The following SDHB variants were observed in gnomAD, a reference collection of about 807,000 sequenced individuals.
SDHB encodes succinate dehydrogenase [ubiquinone] iron-sulfur subunit, mitochondrial.
Under a neutral mutation model 39.7 loss-of-function variants are expected in SDHB, and 21 were observed. The ratio of observed to expected loss-of-function variants is 0.53; its 90% confidence interval spans 0.37 to 0.76. The LOEUF (loss-of-function observed/expected upper bound fraction) is 0.76, where lower values mean the gene tolerates loss of function less well. Among genes scored for constraint, SDHB ranks in the 30% least tolerant of loss-of-function variants. SDHB has a pLI of 0.00. For missense variants in SDHB, 343 were observed against 350.9 expected, an observed-to-expected ratio of 0.98 and a Z score of 0.18; for synonymous variants, 118 against 117.0, an observed-to-expected ratio of 1.01 and a Z score of -0.06.
Position 17,028,745 on chromosome 1 carries a change from G to A in SDHB, c.287-9C>T. ...ACAAGAGCCACAGATGCCTGAAAGA[G>A]ACACACATTTAACACATCCTCACCC... On this transcript the variant is annotated splice_polypyrimidine_tract_variant and intron_variant, in intron 3 of 7. Transcript: ENST00000375499. 6.2e-7 allele frequency: 1 copy of A among 1,613,630 alleles called. No homozygotes were observed. The highest frequency in any genetic ancestry group is 8.5e-7 in the Non-Finnish European group (1 of 1,180,022).
At chr1:17,038,572 G>A (rs1034521380) in intron 2 of SDHB, among the ~76,000 whole-genome samples, 1 of 152,128 alleles carries the variant, frequency 6.6e-6, no homozygotes, top group Non-Finnish European at 1.5e-5. Flanking sequence ...TGCCTTTCAT[G>A]GACTGGCTAG....
intron 3 of SDHB, among the ~76,000 whole-genome samples, chr1:17,029,292 G>A (rs2078010182): frequency 1.3e-5 from 2 of 151,650 alleles, no homozygotes; most frequent in African/African-American, 2.4e-5. Flanking sequence ...ATTTTTTGTA[G>A]AGACGAGACT....
chr1:17,035,450 C>T (rs2078045718), intron 2 of SDHB, among the ~76,000 whole-genome samples: 1 of 152,126 alleles, frequency 6.6e-6, no homozygotes, highest in South Asian at 2.1e-4. Flanking sequence ...TGTTTTGTTG[C>T]TACATTTTTA....
chr1:17,031,530 A>T (rs1039981114), intron 3 of SDHB, among the ~76,000 whole-genome samples: 3 of 152,186 alleles, frequency 2.0e-5, no homozygotes, highest in African/African-American at 7.2e-5. Flanking sequence ...CCAGGACTTA[A>T]TGGGGAAGGC....
intron 2 of SDHB, among the ~76,000 whole-genome samples, chr1:17,038,257 ACTT>A (rs1177335495): frequency 1.1e-4 from 17 of 152,158 alleles, no homozygotes; most frequent in Admixed American, 6.5e-4. Context: ...AGACAGTTTT[ACTT>A]CTTCTTTTCC....
chr1:17,042,846 C>T (rs541550970), intron 2 of SDHB, among the ~76,000 whole-genome samples: 2 of 151,438 alleles, frequency 1.3e-5, no homozygotes, highest in Middle Eastern at 3.4e-3. Flanking sequence ...TGATTTGCAA[C>T]GTCTTTATTT....
At chr1:17,036,707 T>C (rs1292615681) in intron 2 of SDHB, among the ~76,000 whole-genome samples, 2 of 145,652 alleles carry the variant, frequency 1.4e-5, no homozygotes, top group Admixed American at 6.9e-5. Flanking sequence ...TAAATATGAA[T>C]ATATAAATAT....
intron 2 of SDHB, among the ~76,000 whole-genome samples, chr1:17,043,222 A>G (rs1354147092): frequency 6.6e-6 from 1 of 151,958 alleles, no homozygotes; most frequent in Non-Finnish European, 1.5e-5. Context: ...CGGCTTCCCA[A>G]AGTGCTGGGA....
intron 1 of SDHB, 104 bp from the exon 2 acceptor site, chr1:17,044,992 T>C: frequency 2.0e-6 from 2 of 1,011,562 alleles, no homozygotes; most frequent in South Asian, 2.7e-5. Flanking sequence ...AACTCACACA[T>C]TACTGACACA....
intron 1 of SDHB, among the ~76,000 whole-genome samples, chr1:17,049,560 G>A (rs1032362537): frequency 1.3e-5 from 2 of 148,796 alleles, no homozygotes; most frequent in African/African-American, 4.9e-5. Context: ...GCGTTCCAAA[G>A]TGTTGGGATT....
Position 17,028,587 on chromosome 1 carries a change from T to C in SDHB, c.423+13A>G. On this transcript the variant is annotated intron_variant, in intron 4 of 7. Transcript: ENST00000375499. ...GCAAATAAAAACAAAACCAGAGAGA[T>C]GCAGAAACTCACGGGAACAAGATCC... 6.2e-7 allele frequency: 1 copy of C among 1,613,956 alleles called. No homozygotes were observed. The highest frequency in any genetic ancestry group is 8.5e-7 in the Non-Finnish European group (1 of 1,179,952).
intron 2 of SDHB, among the ~76,000 whole-genome samples, chr1:17,039,311 A>C (rs1299036612): frequency 6.6e-6 from 1 of 150,406 alleles, no homozygotes. Flanking sequence ...TTGGCTGGGC[A>C]TGGTGGCTCA....
Position 17,022,643 on chromosome 1 carries a change from G to A in SDHB, c.730C>T (p.His244Tyr), listed in dbSNP as rs766038910. The change falls in exon 7 of 8, where the codon CAC becomes TAC. Residue 244 changes from histidine to tyrosine, a missense_variant. Coordinates refer to ENST00000375499, the MANE Select transcript of SDHB (RefSeq NM_003000.3). Reference protein sequence around the residue: ...LQDPFSLYRCHTIMNCTRTCP... With the variant: ...LQDPFSLYRCYTIMNCTRTCP... Reference sequence around the variant, plus strand: ...GTCCTTGTGCAGTTCATGATGGTGTGGCAGCGGTATAGAGAGAATGGGTCC... The same window carrying A: ...GTCCTTGTGCAGTTCATGATGGTGTAGCAGCGGTATAGAGAGAATGGGTCC... The A allele has an allele frequency of 6.2e-7, 1 of 1,614,098 alleles. No homozygotes were observed. Among genetic ancestry groups the A allele is most frequent in the South Asian group, 1.1e-5 (1 of 91,068 alleles).
intron 3 of SDHB, among the ~76,000 whole-genome samples, chr1:17,031,553 G>A (rs2078022860): frequency 6.6e-6 from 1 of 152,148 alleles, no homozygotes; most frequent in South Asian, 2.1e-4. Context: ...CTGTTTAACT[G>A]CCGCAGAATG....
chr1:17,022,321 G>C (rs2077966323), intron 7 of SDHB, among the ~76,000 whole-genome samples: 2 of 152,262 alleles, frequency 1.3e-5, no homozygotes, highest in South Asian at 4.1e-4. Flanking sequence ...TCCTGGGAAG[G>C]TTGAACGCAG....
At chr1:17,045,920 T>C (rs540998618) in intron 1 of SDHB, among the ~76,000 whole-genome samples, 2 of 152,228 alleles carry the variant, frequency 1.3e-5, no homozygotes, top group Non-Finnish European at 2.9e-5. Context: ...TCCTACTCTA[T>C]GGAGTGTACT....
chr1:17,020,861 G>T (rs538804582), intron 7 of SDHB, among the ~76,000 whole-genome samples: 1 of 152,198 alleles, frequency 6.6e-6, no homozygotes, highest in African/African-American at 2.4e-5. Context: ...CTCCCCCAGC[G>T]AGGCCACTGG....
chr1:17,036,332 G>A (rs1279379069), intron 2 of SDHB, among the ~76,000 whole-genome samples: 1 of 151,940 alleles, frequency 6.6e-6, no homozygotes, highest in African/African-American at 2.4e-5. Flanking sequence ...TTTGAGACAG[G>A]ATCTCACTCT....
chr1:17,045,647 G>A (rs1354699205), intron 1 of SDHB, among the ~76,000 whole-genome samples: 3 of 151,956 alleles, frequency 2.0e-5, no homozygotes, highest in African/African-American at 4.8e-5. Context: ...CTATACTCCA[G>A]GACTGCTAAT....
Sources: gnomAD v4.1 joint callset for allele counts (sites outside exome capture counted in the v4.1 genomes callset) on GRCh38, gnomAD v4.1.1 for gene constraint, MANE v1.5 for transcripts, NCBI Gene and HGNC (gene_info 2026-07-23, HGNC 2026-07-21) for gene names.